The following ESF1 variants were observed in gnomAD, a reference collection of about 807,000 sequenced individuals.
The protein encoded by ESF1 is ESF1 homolog.
A neutral mutation model predicts 92.0 loss-of-function variants in ESF1; 58 were observed. The observed-to-expected ratio is 0.63, with a 90% CI of 0.51 to 0.78. The LOEUF (loss-of-function observed/expected upper bound fraction) is 0.78, where lower values mean the gene tolerates loss of function less well. Ranked by LOEUF, ESF1 falls within the 30% of genes least tolerant of loss-of-function variation. The probability of loss-of-function intolerance (pLI) is 0.00; values close to 1 mark genes in which losing one functional copy is unlikely to be tolerated. For missense variants in ESF1, 922 were observed against 989.1 expected (o/e 0.93, Z 0.91); for synonymous variants, 321 against 313.7 (o/e 1.02, Z -0.24).
In ESF1 at chr20:13,728,422, A is replaced by G. The variant is rs755499849; in HGVS notation, c.1994T>C (p.Val665Ala). ...AGCAAAGTATGGGTCATTCAAATCA[A>G]CATCAGAGGGAAGTTCCTCTTCACT... ...EASEEELPSD[V>A]DLNDPYFAEE... Residue 665 changes from valine to alanine, a missense_variant, in exon 11 of 14, where the codon GTT becomes GCT. Physicochemically the swap from Val to Ala is moderately conservative, Grantham distance 64. Transcript: ENST00000617257. 1.9e-6 allele frequency: 3 copies of G among 1,613,238 alleles called. No homozygotes were observed. Among genetic ancestry groups the G allele is most frequent in the Admixed American group, 3.3e-5 (2 of 59,914 alleles).
At chr20:13,731,526 G>A (rs992525687) in intron 10 of ESF1, among the ~76,000 whole-genome samples, 3 of 85,272 alleles carry the variant, frequency 3.5e-5, no homozygotes, top group African/African-American at 9.0e-5. Flanking sequence ...AGCGAGACTC[G>A]GTCTCAAAAA....
In ESF1 at chr20:13,783,081, C is replaced by T. The variant is rs767005863; in HGVS notation, c.60G>A (p.Pro20=). The part of the protein sequence containing the change: ...DQRFRRVAKD[P]RFWEMPEKDR... ...CCTTTTCTGGCATTTCCCAAAATCT[C>T]GGGTCCTTTGCAACCCGTCTAAACC... The change falls in exon 2 of 14, where the codon CCG becomes CCA. Residue 20 remains proline, a synonymous_variant. Coordinates refer to ENST00000617257, the MANE Select transcript of ESF1 (RefSeq NM_001276380.2). The T allele has an allele frequency of 3.1e-6, 5 of 1,613,776 alleles. No homozygotes were observed. The highest frequency in any genetic ancestry group is 2.2e-5 in the East Asian group (1 of 44,882).
intron 9 of ESF1, among the ~76,000 whole-genome samples, chr20:13,758,007 A>G (rs1296803809): frequency 2.0e-5 from 3 of 152,216 alleles, no homozygotes; most frequent in Non-Finnish European, 4.4e-5. Flanking sequence ...CAAGTAAAAT[A>G]TTTCTTAACA....
intron 9 of ESF1, among the ~76,000 whole-genome samples, chr20:13,734,299 C>A (rs539083934): frequency 6.6e-6 from 1 of 152,266 alleles, no homozygotes; most frequent in Non-Finnish European, 1.5e-5. Flanking sequence ...AAGTGAAAGC[C>A]TATGTTCTCT....
intron 9 of ESF1, among the ~76,000 whole-genome samples, chr20:13,739,761 A>T (rs746550874): frequency 7.2e-5 from 11 of 152,046 alleles, no homozygotes; most frequent in Non-Finnish European, 2.9e-5. Flanking sequence ...GAAATATCAA[A>T]CTAGATTAGA....
At chr20:13,733,980 T>C (rs1025226398) in intron 9 of ESF1, 138 bp from the exon 10 acceptor site, 10 of 1,032,946 alleles carry the variant, frequency 9.7e-6, no homozygotes, top group African/African-American at 3.2e-5. Context: ...TAAATATCTG[T>C]AATACCCCAA....
chr20:13,759,637 G>C (rs907432427), intron 9 of ESF1, 55 bp downstream of exon 9: 2 of 1,550,854 alleles, frequency 1.3e-6, no homozygotes, highest in South Asian at 2.4e-5. Flanking sequence ...TATTTAAAAG[G>C]TACTCAACAT....
chr20:13,747,808 G>C (rs1978348176), intron 9 of ESF1, among the ~76,000 whole-genome samples: 1 of 152,066 alleles, frequency 6.6e-6, no homozygotes, highest in Non-Finnish European at 1.5e-5. Context: ...CTAATGTTAA[G>C]ACCTTTTTAT....
At chr20:13,770,228 A>T (rs1196439230) in intron 6 of ESF1, among the ~76,000 whole-genome samples, 13 of 152,248 alleles carry the variant, frequency 8.5e-5, no homozygotes, top group African/African-American at 2.9e-4. Flanking sequence ...ATAACTCTGT[A>T]ATTCCACTAA....
chr20:13,764,080 C>T (rs1168288318), intron 8 of ESF1, among the ~76,000 whole-genome samples: 1 of 152,034 alleles, frequency 6.6e-6, no homozygotes. Context: ...ATTAATTTGA[C>T]ATTTAGGCTA....
chr20:13,721,113 ACT>A (rs1342171311), intron 11 of ESF1, among the ~76,000 whole-genome samples: 2 of 152,076 alleles, frequency 1.3e-5, no homozygotes, highest in African/African-American at 4.8e-5. Flanking sequence ...ACAGAGCGAG[ACT>A]CTGTCTCGAT....
chr20:13,753,391 G>T (rs1422399842), intron 9 of ESF1, among the ~76,000 whole-genome samples: 1 of 149,724 alleles, frequency 6.7e-6, no homozygotes, highest in Non-Finnish European at 1.5e-5. Context: ...TCCACTGGCT[G>T]GCCCTCCTCC....
chr20:13,716,804 A>ATTTTTTTTTTTTTTTTTT lies in ESF1; in HGVS notation c.2262+546_2262+563dup, dbSNP rs71188180. Among the ~76,000 whole-genome samples the ATTTTTTTTTTTTTTTTTT allele has an allele frequency of 2.8e-4, 13 of 45,916 alleles. 1 individual carries two copies. The highest frequency in any genetic ancestry group is 8.2e-4 in the East Asian group (1 of 1,224). The allele number at this position is 45,916 out of a possible 152,430, so 30.1% of individuals were successfully genotyped here. ...TACAGGTGTGCGCCACTATACCTGG[A>ATTTTTTTTTTTTTTTTTT]TTTTTTTTTTTTTTTTTTTTTTTTT... is the stretch of plus-strand genomic sequence containing the variant. On this transcript the variant is annotated intron_variant, in intron 13 of 13. Transcript: ENST00000617257.
At chr20:13,719,086 T>A in intron 11 of ESF1, 102 bp from the exon 12 acceptor site, 1 of 723,228 alleles carries the variant, frequency 1.4e-6, no homozygotes. Context: ...GGAATAATCT[T>A]AACAATAAAT....
At chr20:13,782,428 G>A (rs1980232913) in intron 2 of ESF1, 76 bp downstream of exon 2, 2 of 1,205,926 alleles carry the variant, frequency 1.7e-6, no homozygotes, top group Non-Finnish European at 1.1e-6. Flanking sequence ...ACTTATTAAT[G>A]TGTTTACATT....
chr20:13,782,026 G>A (rs545201570), intron 2 of ESF1, among the ~76,000 whole-genome samples: 8 of 152,166 alleles, frequency 5.3e-5, no homozygotes, highest in South Asian at 2.1e-4. Flanking sequence ...ACAGGTGTGC[G>A]CCACCATGCC....
intron 9 of ESF1, among the ~76,000 whole-genome samples, chr20:13,752,808 A>C (rs897013926): frequency 6.6e-6 from 1 of 152,186 alleles, no homozygotes; most frequent in African/African-American, 2.4e-5. Flanking sequence ...TACCAGAATA[A>C]AAATGAAATT....
intron 4 of ESF1, among the ~76,000 whole-genome samples, chr20:13,774,013 T>C (rs1979810117): frequency 6.6e-6 from 1 of 151,556 alleles, no homozygotes; most frequent in Non-Finnish European, 1.5e-5. Flanking sequence ...GAGAATGGCG[T>C]GAACCCGGGA....
intron 11 of ESF1, among the ~76,000 whole-genome samples, chr20:13,724,017 G>T (rs970700243): frequency 6.6e-6 from 1 of 152,202 alleles, no homozygotes; most frequent in East Asian, 1.9e-4. Flanking sequence ...AAACTGGCTG[G>T]GTGTGGTGGC....
Sources: allele counts gnomAD v4.1 joint callset (sites outside exome capture counted in the v4.1 genomes callset), GRCh38; gene constraint gnomAD v4.1.1; transcripts MANE v1.5; gene names NCBI Gene and HGNC (gene_info 2026-07-23, HGNC 2026-07-21).